The following TRPC5 variants were observed in gnomAD, a reference collection of about 807,000 sequenced individuals.
TRPC5 encodes the protein transient receptor potential cation channel subfamily C member 5, also known as short transient receptor potential channel 5.
In TRPC5, 9 loss-of-function variants were observed where a neutral mutation model predicts 56.5. The ratio of observed to expected loss-of-function variants is 0.16; its 90% CI spans 0.10 to 0.28. The LOEUF is 0.28. TRPC5 is among the 10% of genes least tolerant of loss of function. The probability of loss-of-function intolerance (pLI) is 1.00; values close to 1 mark genes in which losing one functional copy is unlikely to be tolerated. For missense variants in TRPC5, 469 were observed against 748.9 expected (o/e 0.63, Z 4.36); for synonymous variants, 282 against 278.5 (o/e 1.01, Z -0.13).
chrX:111,986,377 T>C (rs1400649920), intron 1 of TRPC5, among the ~76,000 whole-genome samples: 3 of 110,548 alleles, frequency 2.7e-5, no homozygotes, highest in African/African-American at 9.8e-5. Context: ...CCTGGATTTC[T>C]GTCTGTTGAC....
intron 1 of TRPC5, among the ~76,000 whole-genome samples, chrX:112,027,228 T>C (rs1357760888): frequency 8.9e-6 from 1 of 112,060 alleles, no homozygotes; most frequent in East Asian, 2.8e-4. Flanking sequence ...CTGATATAAT[T>C]TGAAAAATAG....
At chrX:112,054,790 C>G (rs1251042413) in intron 1 of TRPC5, among the ~76,000 whole-genome samples, 2 of 111,516 alleles carry the variant, frequency 1.8e-5, no homozygotes, top group Non-Finnish European at 3.8e-5. Context: ...TCTCCATCTC[C>G]TTGAAAATCC....
intron 7 of TRPC5, among the ~76,000 whole-genome samples, chrX:111,786,086 G>T (rs780984759): frequency 9.0e-5 from 10 of 111,124 alleles, no homozygotes; most frequent in Non-Finnish European, 1.9e-4. Context: ...TACTCCTTGA[G>T]AAGAGCAACC....
At chrX:112,070,529 T>C (rs1177524362) in intron 1 of TRPC5, among the ~76,000 whole-genome samples, 1 of 111,050 alleles carries the variant, frequency 9.0e-6, no homozygotes, top group Non-Finnish European at 1.9e-5. Context: ...GAGATATGAA[T>C]CTCCCCCACC....
At chrX:111,890,372 T>A (rs1386800274) in intron 3 of TRPC5, among the ~76,000 whole-genome samples, 1 of 112,014 alleles carries the variant, frequency 8.9e-6, no homozygotes, top group African/African-American at 3.2e-5. Flanking sequence ...TTAGTGTATT[T>A]TATTTGTGGC....
At chrX:112,050,497 G>A (rs1254201331) in intron 1 of TRPC5, among the ~76,000 whole-genome samples, 2 of 112,516 alleles carry the variant, frequency 1.8e-5, no homozygotes, top group East Asian at 2.8e-4. Context: ...CTGTGTGTGC[G>A]CACATGTGCA....
intron 1 of TRPC5, among the ~76,000 whole-genome samples, chrX:111,989,671 C>A (rs1228980825): frequency 8.9e-6 from 1 of 111,842 alleles, no homozygotes; most frequent in African/African-American, 3.3e-5. Flanking sequence ...CTATGCAGTT[C>A]TCTCTCCATA....
intron 2 of TRPC5, among the ~76,000 whole-genome samples, chrX:111,928,033 C>T (rs927494977): frequency 3.6e-5 from 4 of 110,721 alleles, no homozygotes; most frequent in South Asian, 3.9e-4. Flanking sequence ...TGAGAAAACA[C>T]GCCTGGGCCT....
intron 1 of TRPC5, among the ~76,000 whole-genome samples, chrX:112,034,132 T>A (rs764465713): frequency 9.0e-6 from 1 of 111,450 alleles, no homozygotes; most frequent in South Asian, 3.8e-4. Context: ...CAATTTGATA[T>A]GAATTTGAGG....
At chrX:112,032,637 T>C (rs182160811) in intron 1 of TRPC5, among the ~76,000 whole-genome samples, 8 of 112,241 alleles carry the variant, frequency 7.1e-5, no homozygotes, top group African/African-American at 2.3e-4. Context: ...CGTATATGCC[T>C]AGGAGTAGAA....
At position 111,957,760 on chromosome X, in the gene TRPC5, G is replaced by T. The variant is rs529385933; in HGVS notation, c.-21-5319C>A. On this transcript the variant is annotated intron_variant, in intron 1 of 10. Coordinates refer to ENST00000262839, the MANE Select transcript of TRPC5 (RefSeq NM_012471.3). ...GTCACGCCCAGAGCACTTGGTAGTA[G>T]GGAACACAAATATGCATATATAAAT... is the stretch of plus-strand genomic sequence containing the variant. Among the ~76,000 whole-genome samples the T allele has an allele frequency of 4.5e-5, 5 of 112,279 alleles. No homozygotes were observed. The East Asian group carries it at 1.4e-3, about 31-fold the overall frequency.
intron 1 of TRPC5, among the ~76,000 whole-genome samples, chrX:111,992,812 A>G (rs895307700): frequency 7.3e-5 from 8 of 109,940 alleles, no homozygotes; most frequent in African/African-American, 2.3e-4. Context: ...TGTGTTGGCC[A>G]GGCTTGTCTC....
chrX:111,905,558 A>G (rs1471414300), intron 3 of TRPC5, among the ~76,000 whole-genome samples: 1 of 112,069 alleles, frequency 8.9e-6, no homozygotes, highest in East Asian at 2.8e-4. Context: ...TGCATTTTAC[A>G]AGATAAGGAA....
intron 3 of TRPC5, among the ~76,000 whole-genome samples, chrX:111,905,639 A>G (rs916935883): frequency 3.5e-4 from 39 of 111,660 alleles, no homozygotes; most frequent in African/African-American, 9.1e-4. Flanking sequence ...AGGCGGCCGG[A>G]CGCGGTGGCT....
intron 3 of TRPC5, among the ~76,000 whole-genome samples, chrX:111,908,797 T>C (rs1925710528): frequency 8.9e-6 from 1 of 111,983 alleles, no homozygotes; most frequent in African/African-American, 3.2e-5. Flanking sequence ...ATATCCATAA[T>C]ATTGAATAGT....
rs1221935559 is a variant in TRPC5 at position 112,078,060 on chromosome X, A to T, written c.-22+3819T>A. 3.6e-5 allele frequency among the ~76,000 whole-genome samples: 4 copies of T among 111,684 alleles called. No individual in the cohort carries two copies. In the East Asian group the frequency reaches 8.5e-4, roughly 24 times the overall value. On this transcript the variant is annotated intron_variant, in intron 1 of 10. Coordinates refer to ENST00000262839, the MANE Select transcript of TRPC5 (RefSeq NM_012471.3). Reference sequence around the variant, plus strand: ...CTACTATGGTGCAGAACAGACTGGGATTTCTAGATGCCTTGCTGTTGGTGG... The same window carrying T: ...CTACTATGGTGCAGAACAGACTGGGTTTTCTAGATGCCTTGCTGTTGGTGG...
At chrX:111,874,555 T>C (rs1923860633) in intron 3 of TRPC5, among the ~76,000 whole-genome samples, 1 of 112,018 alleles carries the variant, frequency 8.9e-6, no homozygotes, top group African/African-American at 3.3e-5. Context: ...AAGTTGACTA[T>C]GTGCCAGACA....
chrX:112,074,990 G>A (rs1321349767), intron 1 of TRPC5, among the ~76,000 whole-genome samples: 2 of 111,986 alleles, frequency 1.8e-5, no homozygotes, highest in African/African-American at 3.3e-5. Flanking sequence ...AACATCCTGC[G>A]ACAATCTTCT....
chrX:111,973,541 A>G (rs1381654266), intron 1 of TRPC5, among the ~76,000 whole-genome samples: 2 of 111,466 alleles, frequency 1.8e-5, no homozygotes, highest in Non-Finnish European at 3.8e-5. Flanking sequence ...ATGCACACAT[A>G]TCCCTAGGTG....
Sources: allele counts gnomAD v4.1 joint callset (sites outside exome capture counted in the v4.1 genomes callset), GRCh38; gene constraint gnomAD v4.1.1; transcripts MANE v1.5; gene names NCBI Gene and HGNC (gene_info 2026-07-23, HGNC 2026-07-21).